The following CACNG6 variants were observed in gnomAD, a reference collection of about 807,000 sequenced individuals.
CACNG6 encodes the protein voltage-dependent calcium channel gamma-6 subunit.
Under a neutral mutation model 23.9 loss-of-function variants are expected in CACNG6, and 21 were observed. That is an observed-to-expected ratio of 0.88 (90% CI 0.62 to 1.26). The LOEUF (loss-of-function observed/expected upper bound fraction) is 1.26, where lower values mean the gene tolerates loss of function less well. Among genes scored for constraint, CACNG6 ranks in the 50% most tolerant of loss-of-function variants. The pLI is 0.00. For missense variants in CACNG6, 340 were observed against 352.9 expected (o/e 0.96, Z 0.29); for synonymous variants, 182 against 168.9 (o/e 1.08, Z -0.60).
chr19:54,008,322 C>T (rs111316671), intron 3 of CACNG6, among the ~76,000 whole-genome samples: 2 of 152,304 alleles, frequency 1.3e-5, no homozygotes, highest in African/African-American at 4.8e-5. Flanking sequence ...CATTGCACTC[C>T]AGCCTGGATG....
intron 3 of CACNG6, among the ~76,000 whole-genome samples, chr19:54,004,724 TC>T (rs2069620451): frequency 6.6e-6 from 1 of 151,940 alleles, no homozygotes; most frequent in Non-Finnish European, 1.5e-5. Context: ...AGCTCATTCC[TC>T]CCGCAGCGTG....
intron 1 of CACNG6, among the ~76,000 whole-genome samples, chr19:53,996,212 C>T (rs1428848202): frequency 2.6e-5 from 4 of 152,184 alleles, no homozygotes; most frequent in Non-Finnish European, 4.4e-5. Flanking sequence ...CCTCTCTTCT[C>T]TCTTTCTGTG....
intron 3 of CACNG6, among the ~76,000 whole-genome samples, chr19:54,007,205 C>A (rs550800379): frequency 1.3e-5 from 2 of 152,220 alleles, no homozygotes; most frequent in South Asian, 2.1e-4. Context: ...TGCACCACCA[C>A]GCCTGGCTAA....
At chr19:54,009,239 G>C (rs909658341) in intron 3 of CACNG6, among the ~76,000 whole-genome samples, 1 of 152,116 alleles carries the variant, frequency 6.6e-6, no homozygotes, top group African/African-American at 2.4e-5. Flanking sequence ...TGGCCAACGT[G>C]GTGAAACCCC....
chr19:54,004,678 G>A (rs892198220), intron 3 of CACNG6, among the ~76,000 whole-genome samples: 1 of 152,010 alleles, frequency 6.6e-6, no homozygotes, highest in African/African-American at 2.4e-5. Context: ...TCCCTGCTCC[G>A]GCCACGCCAG....
chr19:53,993,275 C>G, intron 1 of CACNG6, 67 bp downstream of exon 1: 1 of 1,449,016 alleles, frequency 6.9e-7, no homozygotes, highest in Non-Finnish European at 9.1e-7. Flanking sequence ...GGGCCCGTGT[C>G]CGAGGAGAAA....
chr19:54,002,486 T>C (rs1016255270), intron 3 of CACNG6, among the ~76,000 whole-genome samples: 6 of 68,200 alleles, frequency 8.8e-5, no homozygotes, highest in Non-Finnish European at 3.8e-5. Flanking sequence ...TATTTCTCCT[T>C]TTTTTTTTTT....
intron 3 of CACNG6, among the ~76,000 whole-genome samples, chr19:54,002,611 A>G (rs2069592673): frequency 6.6e-6 from 1 of 151,822 alleles, no homozygotes; most frequent in Non-Finnish European, 1.5e-5. Flanking sequence ...GTTTGTTCTC[A>G]TGGAATTTGT....
chr19:54,004,114 C>T (rs917829227), intron 3 of CACNG6, among the ~76,000 whole-genome samples: 4 of 152,124 alleles, frequency 2.6e-5, no homozygotes, highest in Non-Finnish European at 5.9e-5. Context: ...GCTTCAGCCT[C>T]CCAAACTATT....
chr19:54,011,315 G>C (rs465075), intron 3 of CACNG6, among the ~76,000 whole-genome samples: 17,687 of 143,848 alleles, frequency 0.12, 1,214 homozygotes, highest in East Asian at 0.19. Flanking sequence ...CAGGAGAGTC[G>C]CTTGAACCCC....
chr19:53,996,405 T>C (rs913637879), intron 1 of CACNG6, among the ~76,000 whole-genome samples: 132 of 151,950 alleles, frequency 8.7e-4, no homozygotes, highest in African/African-American at 2.8e-3. Context: ...CTCTCTTTTT[T>C]TTTTTGAGAT....
intron 2 of CACNG6, 95 bp downstream of exon 2, chr19:53,998,408 C>G: frequency 9.0e-7 from 1 of 1,115,396 alleles, no homozygotes; most frequent in Non-Finnish European, 1.3e-6. Flanking sequence ...CTCTGCTTTA[C>G]CCCAGGGCAG....
chr19:54,003,101 T>C (rs1443348693), intron 3 of CACNG6, among the ~76,000 whole-genome samples: 1 of 152,138 alleles, frequency 6.6e-6, no homozygotes, highest in Non-Finnish European at 1.5e-5. Context: ...GGAGACCCAC[T>C]GTAGATTTAG....
chr19:54,001,909 C>G (rs1276434743), intron 3 of CACNG6, among the ~76,000 whole-genome samples: 1 of 152,096 alleles, frequency 6.6e-6, no homozygotes, highest in African/African-American at 2.4e-5. Flanking sequence ...TGGGGCAAAC[C>G]TTTTTCTATC....
intron 1 of CACNG6, among the ~76,000 whole-genome samples, chr19:53,995,788 A>G (rs1416286156): frequency 6.6e-6 from 1 of 152,210 alleles, no homozygotes. Flanking sequence ...CTGTCTCCCA[A>G]GTAGCTGGGA....
At position 53,992,922 on chromosome 19, in the gene CACNG6, G is replaced by A. The variant is rs1325605918; in HGVS notation, c.45G>A (p.Arg15=). Residue 15 remains arginine (R), a synonymous_variant, in exon 1 of 4, where the codon CGG becomes CGA. Transcript: ENST00000252729. This position sits in a 1 kb window ranked among gnomAD's most constrained non-coding sequence, Gnocchi z 4.1. The stretch of plus-strand genomic sequence containing the variant: ...TCCTGCAAGAGGAGAACCGGCGGCG[G>A]GGGGCCGCGGGCCGGCGGCGGGCGC... ...NFFLQEENRR[R]GAAGRRRAHG... 2 of 1,400,598 alleles carry A rather than the reference G, an allele frequency of 1.4e-6. No homozygotes were observed. The highest frequency in any genetic ancestry group is 1.9e-6 in the Non-Finnish European group (2 of 1,080,360). The allele number at this position is 1,400,598 out of a possible 1,614,324, so 86.8% of individuals were successfully genotyped here.
Position 53,992,581 on chromosome 19 carries a change from C to T in CACNG6, c.-297C>T, listed in dbSNP as rs1024083598. 2 of 251,944 alleles carry T rather than the reference C, an allele frequency of 7.9e-6. No individual in the cohort carries two copies. Among genetic ancestry groups the T allele is most frequent in the African/African-American group, 2.2e-5 (1 of 44,686 alleles). 15.6% of individuals were successfully genotyped at this position (251,944 alleles called of 1,614,324 possible). On this transcript the variant is annotated 5_prime_UTR_variant, in exon 1 of 4. Coordinates refer to ENST00000252729, the MANE Select transcript of CACNG6 (RefSeq NM_145814.2). The surrounding 1 kb of genome is among the most constrained non-coding windows in gnomAD (Gnocchi z 4.1). ...CTATCTCTAAACCTCAGGGTGGGGGCCTTGTTTTTCCTCTGGGCCCCGTCT... is the reference window on the plus strand; with the variant it reads ...CTATCTCTAAACCTCAGGGTGGGGGTCTTGTTTTTCCTCTGGGCCCCGTCT...
rs1402067114 is a variant in CACNG6, at chr19:53,991,662, C to G, written c.-1216C>G. On this transcript the variant is annotated 5_prime_UTR_variant, in exon 1 of 4. Coordinates refer to ENST00000252729, the MANE Select transcript of CACNG6 (RefSeq NM_145814.2). ...AGGCCGGTGGCGGTGGCGGGCACAG[C>G]CGGACGCTTCGGAGGCAGCGCGGAG... Among the ~76,000 whole-genome samples, 1 of 151,914 alleles carries G rather than the reference C, an allele frequency of 6.6e-6. No homozygotes were observed. Among genetic ancestry groups the G allele is most frequent in the Admixed American group, 6.6e-5 (1 of 15,262 alleles).
At chr19:53,993,295 A>G (rs1331745528) in intron 1 of CACNG6, 87 bp downstream of exon 1, 3 of 1,344,286 alleles carry the variant, frequency 2.2e-6, no homozygotes, top group East Asian at 5.4e-5. Flanking sequence ...AACCCGCCCC[A>G]GGGACAAAAG....
Sources: allele counts gnomAD v4.1 joint callset (sites outside exome capture counted in the v4.1 genomes callset), GRCh38; gene constraint gnomAD v4.1.1; non-coding constraint Gnocchi (gnomAD v3.1); transcripts MANE v1.5; gene names NCBI Gene and HGNC (gene_info 2026-07-23, HGNC 2026-07-21).